The following WWP2 variants were observed in gnomAD, a reference collection of about 807,000 sequenced individuals.
The protein encoded by WWP2 is WW domain containing E3 ubiquitin protein ligase 2, also known as NEDD4-like E3 ubiquitin-protein ligase WWP2.
In WWP2, 57 loss-of-function variants were observed where a neutral mutation model predicts 121.0. The observed-to-expected ratio is 0.47, with a 90% CI of 0.38 to 0.59. The LOEUF (loss-of-function observed/expected upper bound fraction) is 0.59, where lower values mean the gene tolerates loss of function less well. Among genes scored for constraint, WWP2 ranks in the 20% least tolerant of loss-of-function variants. The pLI is 0.00. For missense variants in WWP2, 962 were observed against 1,158.9 expected, an observed-to-expected ratio of 0.83 and a Z score of 2.47; for synonymous variants, 449 against 441.3, an observed-to-expected ratio of 1.02 and a Z score of -0.22.
chr16:69,782,712 A>G (rs2055689919), intron 1 of WWP2, among the ~76,000 whole-genome samples: 1 of 152,232 alleles, frequency 6.6e-6, no homozygotes, highest in Non-Finnish European at 1.5e-5. Flanking sequence ...GAAACTAGAT[A>G]TATCACATAA....
At position 69,888,967 on chromosome 16, in the gene WWP2, A is replaced by G. The variant is rs374248930; in HGVS notation, c.914+718A>G. ...ATCATCCACCTGCCTCGGCCTCCCA[A>G]AGTGCTGGGATTACAGGCAGGAGCC... On this transcript the variant is annotated intron_variant, in intron 8 of 23. Transcript: ENST00000359154. Among the ~76,000 whole-genome samples the G allele has an allele frequency of 1.1e-4, 17 of 152,172 alleles. 2 individuals are homozygous for G. The highest frequency in any genetic ancestry group is 3.9e-4 in the East Asian group (2 of 5,168).
intron 4 of WWP2, among the ~76,000 whole-genome samples, chr16:69,814,304 G>A (rs935925981): frequency 9.9e-5 from 15 of 152,066 alleles, no homozygotes; most frequent in African/African-American, 3.6e-4. Context: ...GGAACTACAG[G>A]CATGCGGTCC....
At chr16:69,924,137 C>T (rs1237839452) in intron 10 of WWP2, among the ~76,000 whole-genome samples, 1 of 152,248 alleles carries the variant, frequency 6.6e-6, no homozygotes, top group African/African-American at 2.4e-5. Context: ...GGTTTCAAGA[C>T]TTAAACATCT....
Position 69,799,454 on chromosome 16 carries a change from T to C in WWP2, c.340+159T>C. ...GAGTTTTGGGAAGGCTGAGGGCTCCTCTCTGCCTCCACTACAGAGTTTAGC... is the reference window on the plus strand; with the variant it reads ...GAGTTTTGGGAAGGCTGAGGGCTCCCCTCTGCCTCCACTACAGAGTTTAGC... On this transcript the variant is annotated intron_variant, in intron 4 of 23. Transcript: ENST00000359154. The surrounding 1 kb of genome is among the most constrained non-coding windows in gnomAD (Gnocchi z 4.5). The C allele has an allele frequency of 1.0e-6, 1 of 966,760 alleles. No homozygotes were observed. Among genetic ancestry groups the C allele is most frequent in the Non-Finnish European group, 1.5e-6 (1 of 677,208 alleles). The allele number at this position is 966,760 out of a possible 1,614,324, so 59.9% of individuals were successfully genotyped here. A position where few individuals can be genotyped will look rare whatever the true frequency, so the allele number is the denominator to read the frequency against.
chr16:69,936,513 G>A, intron 19 of WWP2, 61 bp downstream of exon 19: 1 of 1,603,488 alleles, frequency 6.2e-7, no homozygotes, highest in South Asian at 1.1e-5. Flanking sequence ...GTGGGTTGCA[G>A]AGAAAGATGG....
chr16:69,936,076 C>T, intron 18 of WWP2, 90 bp downstream of exon 18: 2 of 1,552,490 alleles, frequency 1.3e-6, no homozygotes, highest in Non-Finnish European at 1.7e-6. Flanking sequence ...TTTTGTCTGC[C>T]AGTGTGGCCC....
At chr16:69,836,421 C>T (rs1384544837) in intron 4 of WWP2, among the ~76,000 whole-genome samples, 1 of 151,996 alleles carries the variant, frequency 6.6e-6, no homozygotes, top group Non-Finnish European at 1.5e-5. Context: ...GTTTCTCTAT[C>T]CCCCTCTTTC....
At chr16:69,800,863 C>T (rs2056148793) in intron 4 of WWP2, among the ~76,000 whole-genome samples, 1 of 151,034 alleles carries the variant, frequency 6.6e-6, no homozygotes, top group Admixed American at 6.6e-5. Context: ...CTGCACCCAG[C>T]CTGATAGTTA....
At chr16:69,862,106 C>T (rs8050516) in intron 6 of WWP2, among the ~76,000 whole-genome samples, 79,985 of 152,074 alleles carry the variant, frequency 0.53, 21,638 homozygotes, top group East Asian at 0.9. Context: ...GCTCTTGTTG[C>T]CCCGGCTGGA....
chr16:69,842,201 A>G (rs1398590415), intron 6 of WWP2, 81 bp downstream of exon 6: 1 of 1,348,782 alleles, frequency 7.4e-7, no homozygotes, highest in East Asian at 2.5e-5. Context: ...GGCGGGGAAC[A>G]TTTTATGGTA....
chr16:69,882,884 G>A (rs185953358), intron 7 of WWP2, among the ~76,000 whole-genome samples: 5 of 152,294 alleles, frequency 3.3e-5, no homozygotes, highest in Admixed American at 3.3e-4. Context: ...CGGGTGCGGT[G>A]GCTCATGCCT....
chr16:69,934,452 T>C (rs2058765441), intron 17 of WWP2, among the ~76,000 whole-genome samples: 1 of 151,364 alleles, frequency 6.6e-6, no homozygotes, highest in Non-Finnish European at 1.5e-5. Flanking sequence ...AGAGTTTCCA[T>C]GTTGCTTTGT....
intron 6 of WWP2, among the ~76,000 whole-genome samples, chr16:69,867,305 T>C (rs539360814): frequency 6.6e-6 from 1 of 152,256 alleles, no homozygotes; most frequent in South Asian, 2.1e-4. Context: ...CAAAGCAGCA[T>C]TGTGTGCTAT....
intron 1 of WWP2, among the ~76,000 whole-genome samples, chr16:69,771,992 G>C (rs1597639552): frequency 1.0e-5 from 1 of 95,588 alleles, no homozygotes; most frequent in Non-Finnish European, 1.9e-5. Flanking sequence ...ACAGAGTCTT[G>C]CTCTTGTTGC....
chr16:69,831,079 T>C (rs756906621), intron 4 of WWP2, among the ~76,000 whole-genome samples: 22 of 152,150 alleles, frequency 1.4e-4, no homozygotes, highest in Non-Finnish European at 1.8e-4. Context: ...AGGAGGCTTG[T>C]TTCACTAAGC....
At position 69,879,300 on chromosome 16, in the gene WWP2, A is replaced by G. The variant is rs1022765989; in HGVS notation, c.703+7369A>G. ...ATTATAATCACAATGTTGGGTAACTATAACCACCAGTGTCCATTTCCAGAA... is the reference window on the plus strand; with the variant it reads ...ATTATAATCACAATGTTGGGTAACTGTAACCACCAGTGTCCATTTCCAGAA... On this transcript the variant is annotated intron_variant, in intron 7 of 23. Transcript: ENST00000359154. 1.6e-4 allele frequency among the ~76,000 whole-genome samples: 25 copies of G among 152,290 alleles called. 1 individual carries two copies. Among genetic ancestry groups the G allele is most frequent in the African/African-American group, 6.0e-4 (25 of 41,560 alleles).
intron 2 of WWP2, among the ~76,000 whole-genome samples, chr16:69,797,438 T>C (rs1279122611): frequency 2.0e-5 from 3 of 152,160 alleles, no homozygotes; most frequent in Non-Finnish European, 4.4e-5. Context: ...ACCTTGCCTC[T>C]CAAGCCTGTT....
At chr16:69,890,342 G>C (rs1383976591) in intron 8 of WWP2, among the ~76,000 whole-genome samples, 1 of 152,146 alleles carries the variant, frequency 6.6e-6, no homozygotes. Context: ...AACCTGGAGA[G>C]AATTGGCAGG....
At chr16:69,779,278 A>T (rs994950648) in intron 1 of WWP2, among the ~76,000 whole-genome samples, 1 of 152,172 alleles carries the variant, frequency 6.6e-6, no homozygotes, top group African/African-American at 2.4e-5. Flanking sequence ...TTTATGCATC[A>T]ATTGGAAAGG....
Sources: gnomAD v4.1 joint callset for allele counts (sites outside exome capture counted in the v4.1 genomes callset) on GRCh38, gnomAD v4.1.1 for gene constraint, Gnocchi (gnomAD v3.1) non-coding constraint, MANE v1.5 for transcripts, NCBI Gene and HGNC (gene_info 2026-07-23, HGNC 2026-07-21) for gene names.